The following ASAP2 variants were observed in gnomAD, a reference collection of about 807,000 sequenced individuals.
The protein encoded by ASAP2 is ArfGAP with SH3 domain, ankyrin repeat and PH domain 2.
Under a neutral mutation model 131.4 loss-of-function variants are expected in ASAP2, and 45 were observed. The observed-to-expected ratio is 0.34, with a 90% CI of 0.27 to 0.44. The LOEUF is 0.44. Ranked by LOEUF, ASAP2 falls within the 20% of genes least tolerant of loss-of-function variation. ASAP2 has a pLI of 1.00. For synonymous variants in ASAP2, 510 were observed against 503.0 expected (o/e 1.01, Z -0.19); for missense variants, 1,011 against 1,297.0 (o/e 0.78, Z 3.39).
chr2:9,354,296 A>G (rs1480391528), intron 12 of ASAP2, among the ~76,000 whole-genome samples: 1 of 152,212 alleles, frequency 6.6e-6, no homozygotes, highest in Non-Finnish European at 1.5e-5. Context: ...TTCACTGGCC[A>G]CCAGCACCTG....
intron 22 of ASAP2, 146 bp from the exon 23 acceptor site, chr2:9,390,916 A>G: frequency 8.3e-7 from 1 of 1,201,788 alleles, no homozygotes. Context: ...ACAGGAGTAA[A>G]AGCATTGAGG....
At position 9,232,762 on chromosome 2, in the gene ASAP2, T is replaced by C. The variant is rs545982202; in HGVS notation, c.126+25532T>C. 2.5e-3 allele frequency among the ~76,000 whole-genome samples: 381 copies of C among 152,330 alleles called. 5 individuals carry two copies. The highest frequency in any genetic ancestry group is 2.0e-3 in the Non-Finnish European group (134 of 68,032). On this transcript the variant is annotated intron_variant, in intron 1 of 27. Coordinates refer to ENST00000281419, the MANE Select transcript of ASAP2 (RefSeq NM_003887.3). This position sits in a 1 kb window ranked among gnomAD's most constrained non-coding sequence, Gnocchi z 4.1. ...GTGAGACATGCTGTTGCCGGAGCTC[T>C]GGTGTCATTGGTTCATAGAAAGCTT...
chr2:9,377,506 A>G (rs1331823334), intron 18 of ASAP2, among the ~76,000 whole-genome samples: 1 of 152,172 alleles, frequency 6.6e-6, no homozygotes, highest in Non-Finnish European at 1.5e-5. Flanking sequence ...AGATGTGCAC[A>G]GGCAGTTTAC....
chr2:9,288,352 TCTG>T (rs1667597679), intron 2 of ASAP2, among the ~76,000 whole-genome samples: 1 of 152,190 alleles, frequency 6.6e-6, no homozygotes, highest in South Asian at 2.1e-4. Flanking sequence ...GTAGCTACTA[TCTG>T]AGGCTTTAGA....
chr2:9,355,966 G>C (rs931863368), intron 12 of ASAP2, 81 bp from the exon 13 acceptor site: 3 of 1,507,702 alleles, frequency 2.0e-6, no homozygotes, highest in Non-Finnish European at 2.8e-6. Flanking sequence ...TATTCCAGAG[G>C]CTAATTAGAA....
intron 1 of ASAP2, among the ~76,000 whole-genome samples, chr2:9,265,166 A>G (rs2148221873): frequency 6.6e-6 from 1 of 152,282 alleles, no homozygotes; most frequent in South Asian, 2.1e-4. Context: ...AAAAATACAA[A>G]TTTTTAAAAA....
At chr2:9,304,009 G>A (rs1042219601) in intron 3 of ASAP2, among the ~76,000 whole-genome samples, 15 of 152,208 alleles carry the variant, frequency 9.9e-5, no homozygotes, top group African/African-American at 3.4e-4. Context: ...CTGGGCAGGG[G>A]ACACAGATGC....
chr2:9,251,521 A>T (rs1347153201), intron 1 of ASAP2, among the ~76,000 whole-genome samples: 2 of 152,204 alleles, frequency 1.3e-5, no homozygotes, highest in Admixed American at 6.5e-5. Flanking sequence ...TTGTATGCTT[A>T]ATAAGTAAAG....
chr2:9,380,680 G>A, intron 19 of ASAP2, 61 bp from the exon 20 acceptor site: 1 of 1,493,970 alleles, frequency 6.7e-7, no homozygotes, highest in Non-Finnish European at 9.3e-7. Flanking sequence ...AAATTGTCCT[G>A]GATGTCAGGC....
chr2:9,261,960 CA>C (rs1665605406), intron 1 of ASAP2, among the ~76,000 whole-genome samples: 1 of 152,210 alleles, frequency 6.6e-6, no homozygotes. Flanking sequence ...CACCATTTGC[CA>C]TGTGCCCCTC....
At chr2:9,390,563 G>A (rs1381945340) in intron 22 of ASAP2, among the ~76,000 whole-genome samples, 4 of 152,206 alleles carry the variant, frequency 2.6e-5, no homozygotes, top group South Asian at 2.1e-4. Context: ...ATATGTTTGC[G>A]GGAGGGAGGG....
Position 9,318,599 on chromosome 2 carries a change from G to C in ASAP2, c.420+1G>C. On this transcript the variant is annotated splice_donor_variant, in intron 4 of 27. Coordinates refer to ENST00000281419, the MANE Select transcript of ASAP2 (RefSeq NM_003887.3). LOFTEE classifies it high-confidence loss of function. ...GGGGGACCTGAAAGGAGTGAAAGGG[G>C]TATGACATTGACACTGTGACACCAG... 1 of 1,607,750 alleles carries C rather than the reference G, an allele frequency of 6.2e-7. No homozygotes were observed. Among genetic ancestry groups the C allele is most frequent in the Non-Finnish European group, 8.5e-7 (1 of 1,175,888 alleles).
intron 12 of ASAP2, among the ~76,000 whole-genome samples, chr2:9,351,735 A>G (rs1336628633): frequency 6.6e-6 from 1 of 152,180 alleles, no homozygotes; most frequent in Admixed American, 6.5e-5. Flanking sequence ...AGGGCTAGGA[A>G]GTCACTTGTT....
chr2:9,366,062 C>T (rs1673451953), intron 15 of ASAP2, among the ~76,000 whole-genome samples: 1 of 152,184 alleles, frequency 6.6e-6, no homozygotes, highest in Non-Finnish European at 1.5e-5. Flanking sequence ...CCCTTGGTTT[C>T]TGCCTGCCTG....
chr2:9,320,760 C>T (rs1670100324), intron 5 of ASAP2, among the ~76,000 whole-genome samples: 1 of 152,142 alleles, frequency 6.6e-6, no homozygotes, highest in African/African-American at 2.4e-5. Context: ...TCTGAAATAC[C>T]AGTTCCCTTG....
At chr2:9,266,906 G>C (rs996005728) in intron 1 of ASAP2, among the ~76,000 whole-genome samples, 71 of 152,210 alleles carry the variant, frequency 4.7e-4, no homozygotes, top group African/African-American at 1.6e-3. Flanking sequence ...TCTCTCTGAT[G>C]GTTTAGAAAT....
At chr2:9,324,551 T>C (rs1032552106) in intron 6 of ASAP2, among the ~76,000 whole-genome samples, 1 of 152,216 alleles carries the variant, frequency 6.6e-6, no homozygotes, top group African/African-American at 2.4e-5. Context: ...GGACATCACA[T>C]GGTGGGGGCC....
At chr2:9,288,448 CA>C (rs1354108626) in intron 2 of ASAP2, among the ~76,000 whole-genome samples, 2 of 152,132 alleles carry the variant, frequency 1.3e-5, no homozygotes, top group African/African-American at 4.8e-5. Context: ...GCTTGCTTCC[CA>C]GGGGCTGTGC....
chr2:9,267,979 C>G (rs978226824), intron 1 of ASAP2, among the ~76,000 whole-genome samples: 4 of 151,922 alleles, frequency 2.6e-5, no homozygotes, highest in Non-Finnish European at 5.9e-5. Context: ...GCAGGCCTGT[C>G]CCATCGTAAC....
Sources: gnomAD v4.1 joint callset for allele counts (sites outside exome capture counted in the v4.1 genomes callset) on GRCh38, gnomAD v4.1.1 for gene constraint, Gnocchi (gnomAD v3.1) non-coding constraint, MANE v1.5 for transcripts, NCBI Gene and HGNC (gene_info 2026-07-23, HGNC 2026-07-21) for gene names.